NSMCE2: variants seen among roughly 807,000 people sequenced by gnomAD.
NSMCE2 encodes NSE2 SUMO ligase component of SMC5/6 complex, also known as E3 SUMO-protein ligase NSE2.
Under a neutral mutation model 23.8 loss-of-function variants are expected in NSMCE2, and 24 were observed. The ratio of observed to expected loss-of-function variants is 1.01; its 90% CI spans 0.73 to 1.42. The LOEUF (loss-of-function observed/expected upper bound fraction) is 1.42. Ranked by LOEUF, NSMCE2 falls within the 40% of genes most tolerant of loss-of-function variation. The pLI, the probability that NSMCE2 is intolerant of heterozygous loss-of-function variation, is 0.00. For synonymous variants in NSMCE2, 92 were observed against 94.1 expected, an observed-to-expected ratio of 0.98 and a Z score of 0.13; for missense variants, 284 against 296.5, an observed-to-expected ratio of 0.96 and a Z score of 0.31.
intron 5 of NSMCE2, among the ~76,000 whole-genome samples, chr8:125,310,321 G>GT (rs1333320322): frequency 6.6e-6 from 1 of 151,874 alleles, no homozygotes; most frequent in Non-Finnish European, 1.5e-5. Context: ...TTGCTCCTCA[G>GT]TTTTTTTTAA....
chr8:125,247,837 A>G (rs527994483), intron 5 of NSMCE2, among the ~76,000 whole-genome samples: 72 of 152,316 alleles, frequency 4.7e-4, no homozygotes, highest in African/African-American at 1.6e-3. Flanking sequence ...TTCAGTCATT[A>G]TTACTAAGAC....
At position 125,357,824 on chromosome 8, in the gene NSMCE2, T is replaced by C. The variant is rs1182061844; in HGVS notation, c.626+6T>C. ...AAGCGGAAGAAAAAGGCCTAGTGAG[T>C]GGACGCAGGGAAGGAAGTGGAGCCT... On this transcript the variant is annotated splice_donor_region_variant and intron_variant, in intron 7 of 7. Coordinates refer to ENST00000287437, the MANE Select transcript of NSMCE2 (RefSeq NM_173685.4). 1.3e-6 allele frequency: 2 copies of C among 1,598,750 alleles called. No individual in the cohort carries two copies. The highest frequency in any genetic ancestry group is 3.3e-5 in the Admixed American group (2 of 59,972).
intron 7 of NSMCE2, chr8:125,363,065 T>A (rs765043184): frequency 1.6e-4 from 25 of 152,198 alleles, no homozygotes; most frequent in Non-Finnish European, 2.8e-4. Context: ...ATATTCAGGG[T>A]TATGTTTTAA....
chr8:125,294,990 C>T (rs1052398531), intron 5 of NSMCE2, among the ~76,000 whole-genome samples: 1 of 152,178 alleles, frequency 6.6e-6, no homozygotes, highest in Admixed American at 6.6e-5. Context: ...CCTCTGTGAT[C>T]CATCAGTCTG....
At chr8:125,344,898 T>C (rs925373496) in intron 5 of NSMCE2, among the ~76,000 whole-genome samples, 2 of 152,090 alleles carry the variant, frequency 1.3e-5, no homozygotes, top group African/African-American at 2.4e-5. Flanking sequence ...GAAACTGAGA[T>C]TTTGTGAGTC....
rs71295819 is a variant in NSMCE2, at chr8:125,150,426, C to CTTTTTTTTT, written c.158-728_158-720dup. ...TTTTCTTTTTTTCTTTTCTTTCTTT[C>CTTTTTTTTT]TTTTTTTTTTTTTTTTTTTTTTTTT... On this transcript the variant is annotated intron_variant, in intron 3 of 7. Transcript: ENST00000287437. Among the ~76,000 whole-genome samples the CTTTTTTTTT allele has an allele frequency of 4.6e-3, 284 of 61,916 alleles. 6 individuals are homozygous for CTTTTTTTTT. Among genetic ancestry groups the CTTTTTTTTT allele is most frequent in the Middle Eastern group, 0.019 (1 of 52 alleles). The allele number at this position is 61,916 out of a possible 152,430, so 40.6% of individuals were successfully genotyped here. A position where few individuals can be genotyped will look rare whatever the true frequency, so the allele number is the denominator to read the frequency against.
At position 125,313,157 on chromosome 8, in the gene NSMCE2, AG is replaced by A. The variant is rs1340915613; in HGVS notation, c.419-44060del. On this transcript the variant is annotated intron_variant, in intron 5 of 7. Transcript: ENST00000287437. Reference sequence around the variant, plus strand: ...GGAAGGAGAAAGAAAGAAGGAAGGAAGGAAAAAAAGGAAGGAAAGAAGGAAG... The same window carrying A: ...GGAAGGAGAAAGAAAGAAGGAAGGAAGAAAAAAAGGAAGGAAAGAAGGAAG... Among the ~76,000 whole-genome samples, 4 of 150,842 alleles carry A rather than the reference AG, an allele frequency of 2.7e-5. No individual in the cohort carries two copies. The Admixed American group carries it at 2.7e-4, about 10-fold the overall frequency.
At chr8:125,329,749 C>T (rs950039352) in intron 5 of NSMCE2, among the ~76,000 whole-genome samples, 2 of 152,146 alleles carry the variant, frequency 1.3e-5, no homozygotes, top group Non-Finnish European at 2.9e-5. Flanking sequence ...CTCTGGACCT[C>T]GGTTTCCTCA....
At chr8:125,289,965 G>T (rs1828044318) in intron 5 of NSMCE2, among the ~76,000 whole-genome samples, 1 of 152,150 alleles carries the variant, frequency 6.6e-6, no homozygotes, top group Non-Finnish European at 1.5e-5. Context: ...CACAAAAGCT[G>T]GTGTACACAT....
At chr8:125,177,640 C>T (rs374208917) in intron 4 of NSMCE2, among the ~76,000 whole-genome samples, 12 of 152,162 alleles carry the variant, frequency 7.9e-5, no homozygotes, top group East Asian at 3.8e-4. Flanking sequence ...ATAATTCCAG[C>T]GCTGTGTGCA....
intron 3 of NSMCE2, among the ~76,000 whole-genome samples, chr8:125,144,815 A>G (rs1820584719): frequency 6.6e-6 from 1 of 152,204 alleles, no homozygotes; most frequent in Non-Finnish European, 1.5e-5. Flanking sequence ...ATAACACAAA[A>G]TCACCCATTT....
chr8:125,202,421 A>G (rs1469642537), intron 5 of NSMCE2, among the ~76,000 whole-genome samples: 2 of 152,248 alleles, frequency 1.3e-5, no homozygotes, highest in African/African-American at 4.8e-5. Context: ...AGTGGTACAG[A>G]TAGAGACTGT....
rs866317226 is a variant in NSMCE2, at chr8:125,234,597, A to G, written c.418+52341A>G. Among the ~76,000 whole-genome samples the G allele has an allele frequency of 3.3e-5, 5 of 152,280 alleles. No individual in the cohort carries two copies. In the South Asian group the frequency reaches 1.0e-3, roughly 32 times the overall value. ...CAGGGATTTTCACATGTTTTGTCTCATTCTATACAAACTACCCCATGAGGT... is the reference window on the plus strand; with the variant it reads ...CAGGGATTTTCACATGTTTTGTCTCGTTCTATACAAACTACCCCATGAGGT... On this transcript the variant is annotated intron_variant, in intron 5 of 7. Transcript: ENST00000287437.
intron 5 of NSMCE2, among the ~76,000 whole-genome samples, chr8:125,328,545 G>A (rs535670297): frequency 2.6e-5 from 4 of 152,294 alleles, no homozygotes; most frequent in South Asian, 4.2e-4. Flanking sequence ...TTCAGAATTC[G>A]CTGCCAAGCC....
intron 5 of NSMCE2, among the ~76,000 whole-genome samples, chr8:125,331,028 G>A (rs1397242055): frequency 3.3e-5 from 5 of 152,164 alleles, no homozygotes; most frequent in Admixed American, 1.3e-4. Context: ...GTGACTGGGC[G>A]CGGTGGCTCA....
intron 2 of NSMCE2, 64 bp downstream of exon 2, chr8:125,102,210 G>A: frequency 1.3e-6 from 1 of 763,936 alleles, no homozygotes; most frequent in Admixed American, 2.3e-5. Flanking sequence ...GCATTTATGA[G>A]ATATTGGATA....
intron 5 of NSMCE2, among the ~76,000 whole-genome samples, chr8:125,252,410 C>T (rs1230648743): frequency 6.6e-6 from 1 of 152,048 alleles, no homozygotes; most frequent in African/African-American, 2.4e-5. Flanking sequence ...GCCTGTAGTC[C>T]CAGCTACTCG....
At chr8:125,341,899 A>G (rs1384880013) in intron 5 of NSMCE2, among the ~76,000 whole-genome samples, 4 of 4,876 alleles carry the variant, frequency 8.2e-4, no homozygotes, top group South Asian at 5.7e-3. Flanking sequence ...TAGAAATGGA[A>G]AAAAAAAAAA....
intron 5 of NSMCE2, among the ~76,000 whole-genome samples, chr8:125,265,810 C>G (rs549323135): frequency 6.6e-6 from 1 of 152,248 alleles, no homozygotes; most frequent in South Asian, 2.1e-4. Context: ...TCTATTGATC[C>G]TTAGTTGTTT....
Sources: gnomAD v4.1 joint callset for allele counts (sites outside exome capture counted in the v4.1 genomes callset) on GRCh38, gnomAD v4.1.1 for gene constraint, MANE v1.5 for transcripts, NCBI Gene and HGNC (gene_info 2026-07-23, HGNC 2026-07-21) for gene names.